Variants in CCL24 observed in about 807,000 individuals in gnomAD.
The protein encoded by CCL24 is C-C motif chemokine ligand 24.
A neutral mutation model predicts 8.6 loss-of-function variants in CCL24; 6 were observed. That is an observed-to-expected ratio of 0.70 (90% CI 0.38 to 1.38). CCL24 has a LOEUF of 1.38. Among genes scored for constraint, CCL24 ranks in the 40% most tolerant of loss-of-function variants. CCL24 has a pLI of 0.02. For missense variants in CCL24, 126 were observed against 147.1 expected, an observed-to-expected ratio of 0.86 and a Z score of 0.74; for synonymous variants, 59 against 52.7, an observed-to-expected ratio of 1.12 and a Z score of -0.52.
chr7:75,813,813 A>G, upstream of CCL24: 5 of 903,168 alleles, frequency 5.5e-6, no homozygotes, highest in South Asian at 5.4e-5. Context: ...GAGTACCCCA[A>G]ACTCCCTCCC....
At position 75,811,147 on chromosome 7, in the gene CCL24, T is replaced by TAA. The variant is rs56657658; in HGVS notation, c.*647_*648dup. On this transcript the variant is annotated 3_prime_UTR_variant, in exon 3 of 3. Transcript: ENST00000222902. ...CCCAGTCCTCCACGTTCATTTCCTT[T>TAA]AAAAAAAAAAAAATTATGATTTTTT... is the stretch of plus-strand genomic sequence containing the variant. Among the ~76,000 whole-genome samples, 12 of 146,116 alleles carry TAA rather than the reference T, an allele frequency of 8.2e-5. No homozygotes were observed. The highest frequency in any genetic ancestry group is 7.9e-4 in the East Asian group (4 of 5,050).
Position 75,820,086 on chromosome 7 carries a change from T to TTCC in CCL24, c.-60+3233_-60+3235dup, listed in dbSNP as rs71519389. Among the ~76,000 whole-genome samples, 295 of 133,612 alleles carry TTCC rather than the reference T, an allele frequency of 2.2e-3. 5 individuals carry two copies. Among genetic ancestry groups the TTCC allele is most frequent in the African/African-American group, 7.7e-3 (283 of 36,906 alleles). 87.7% of individuals were successfully genotyped at this position (133,612 alleles called of 152,430 possible). A position where few individuals can be genotyped will look rare whatever the true frequency, so the allele number is the denominator to read the frequency against. The stretch of plus-strand genomic sequence containing the variant: ...CTTCTTCTTCTTCTTCTTCTTCTTC[T>TTCC]TCCTCTTCTTCTTCTTCTTCCTTCT... On this transcript the variant is annotated intron_variant, in intron 1 of 3. Coordinates refer to the CCL24 transcript ENST00000416943.
chr7:75,816,551 TTTTATTTA>T (rs1554534163), upstream of CCL24, among the ~76,000 whole-genome samples: 2 of 148,264 alleles, frequency 1.3e-5, no homozygotes, highest in Admixed American at 6.9e-5. Context: ...TTCTTTAAAA[TTTTATTTA>T]TTTATTTATT....
intron 1 of CCL24, among the ~76,000 whole-genome samples, chr7:75,820,077 T>TTCTTCC (rs1804001554): frequency 7.2e-6 from 1 of 138,562 alleles, no homozygotes; most frequent in African/African-American, 2.6e-5. Flanking sequence ...CTTCTTCTTC[T>TTCTTCC]TCTTCTTCTT....
Position 75,813,785 on chromosome 7 carries a change from A to G in CCL24, c.-70T>C. Reference sequence around the variant, plus strand: ...GCAGGAGGAAAGGACCTAGGGATAAATAGCTCGGGTCCTTGCAGAGTACCC... The same window carrying G: ...GCAGGAGGAAAGGACCTAGGGATAAGTAGCTCGGGTCCTTGCAGAGTACCC... On this transcript the variant is annotated 5_prime_UTR_variant, in exon 1 of 3. Coordinates refer to ENST00000222902, the MANE Select transcript of CCL24 (RefSeq NM_002991.3). 1 of 1,270,266 alleles carries G rather than the reference A, an allele frequency of 7.9e-7. No individual in the cohort carries two copies. Among genetic ancestry groups the G allele is most frequent in the Non-Finnish European group, 1.2e-6 (1 of 869,002 alleles). 78.7% of individuals were successfully genotyped at this position (1,270,266 alleles called of 1,614,324 possible). A position where few individuals can be genotyped will look rare whatever the true frequency, so the allele number is the denominator to read the frequency against.
At chr7:75,819,862 C>T (rs1803987270) in intron 1 of CCL24, among the ~76,000 whole-genome samples, 1 of 151,846 alleles carries the variant, frequency 6.6e-6, no homozygotes, top group Non-Finnish European at 1.5e-5. Flanking sequence ...TAAAAACTGG[C>T]TGTATGAGCC....
chr7:75,819,704 G>C (rs1438157076), intron 1 of CCL24, among the ~76,000 whole-genome samples: 1 of 151,920 alleles, frequency 6.6e-6, no homozygotes, highest in Non-Finnish European at 1.5e-5. Context: ...GCCCTAATTA[G>C]GGTAAAAGTA....
chr7:75,819,285 AAAAAAAAAAAAAAAAAAAATATATAT>A (rs1178498621), intron 1 of CCL24, among the ~76,000 whole-genome samples: 10 of 24,144 alleles, frequency 4.1e-4, no homozygotes, highest in Non-Finnish European at 6.8e-4. Flanking sequence ...AAAAAAAAAA[AAAAAAAAAAAAAAAAAAAATATATAT>A]ATATATATAT....
intron 1 of CCL24, among the ~76,000 whole-genome samples, chr7:75,821,942 A>C (rs1468743079): frequency 2.0e-5 from 3 of 148,396 alleles, no homozygotes; most frequent in African/African-American, 7.4e-5. Context: ...AAAAAAAAAA[A>C]GAAAACAAAA....
At chr7:75,813,810 C>A, upstream of CCL24, 1 of 930,414 alleles carries the variant, frequency 1.1e-6, no homozygotes, top group Non-Finnish European at 1.7e-6. Flanking sequence ...GCAGAGTACC[C>A]CAAACTCCCT....
chr7:75,817,795 A>G (rs1554534362), upstream of CCL24, among the ~76,000 whole-genome samples: 2 of 151,242 alleles, frequency 1.3e-5, no homozygotes, highest in Admixed American at 1.3e-4. Flanking sequence ...GAGCCACCGC[A>G]CTGGGCCAAA....
At chr7:75,820,082 CTTCTTCCTCTTCT>C (rs1804003123) in intron 1 of CCL24, among the ~76,000 whole-genome samples, 1 of 139,818 alleles carries the variant, frequency 7.2e-6, no homozygotes, top group Non-Finnish European at 1.5e-5. Context: ...TCTTCTTCTT[CTTCTTCCTCTTCT>C]TCTTCTTCTT....
At chr7:75,816,663 G>A (rs955721097), upstream of CCL24, among the ~76,000 whole-genome samples, 1 of 151,712 alleles carries the variant, frequency 6.6e-6, no homozygotes, top group Non-Finnish European at 1.5e-5. Context: ...CGAGGTTCAA[G>A]CGATTCTCCC....
At chr7:75,820,121 T>TC (rs1554534871) in intron 1 of CCL24, among the ~76,000 whole-genome samples, 73 of 130,574 alleles carry the variant, frequency 5.6e-4, no homozygotes, top group South Asian at 8.4e-4. Flanking sequence ...TTCTTCTTCT[T>TC]CTTCTTCTTC....
At chr7:75,812,065 T>C in intron 2 of CCL24, 101 bp from the exon 3 acceptor site, 1 of 945,918 alleles carries the variant, frequency 1.1e-6, no homozygotes, top group African/African-American at 1.7e-5. Context: ...ACAGTAAGGC[T>C]TCCTTGCAAG....
chr7:75,810,955 T>TC lies in CCL24; in HGVS notation c.*840dup, dbSNP rs1334647815. On this transcript the variant is annotated 3_prime_UTR_variant, in exon 3 of 3. Coordinates refer to ENST00000222902, the MANE Select transcript of CCL24 (RefSeq NM_002991.3). ...AAGCTAGAGTCTTTTCTCCCCCTAA[T>TC]CCCCCCACCCTATCTTCCCCTCACC... 1.3e-5 allele frequency among the ~76,000 whole-genome samples: 2 copies of TC among 151,014 alleles called. No individual in the cohort carries two copies. Among genetic ancestry groups the TC allele is most frequent in the African/African-American group, 2.4e-5 (1 of 41,050 alleles).
At chr7:75,812,684 C>G (rs1422732880) in intron 2 of CCL24, among the ~76,000 whole-genome samples, 1 of 152,140 alleles carries the variant, frequency 6.6e-6, no homozygotes, top group Non-Finnish European at 1.5e-5. Flanking sequence ...AATCCCAGCA[C>G]TTTGGAAGGC....
rs782780854 is a variant in CCL24, at chr7:75,813,287, G to A, written c.191+19C>T. Reference sequence around the variant, plus strand: ...TGCCCCCACCCCTCTCCTGCCACGTGCCCATGAAGGATACCTACATCACTC... The same window carrying A: ...TGCCCCCACCCCTCTCCTGCCACGTACCCATGAAGGATACCTACATCACTC... On this transcript the variant is annotated intron_variant, in intron 2 of 2. Transcript: ENST00000222902. 1 of 1,464,006 alleles carries A rather than the reference G, an allele frequency of 6.8e-7. No individual in the cohort carries two copies. Among genetic ancestry groups the A allele is most frequent in the South Asian group, 1.1e-5 (1 of 87,982 alleles). The allele number at this position is 1,464,006 out of a possible 1,614,324, so 90.7% of individuals were successfully genotyped here.
chr7:75,811,907 C>T lies in CCL24; in HGVS notation c.249G>A (p.Gln83=), dbSNP rs2115773434. The change falls in exon 3 of 3, where the codon CAG becomes CAA. Residue 83 remains glutamine (Q), a synonymous_variant. Transcript: ENST00000222902. ...FCGDPKQEWV[Q]RYMKNLDAKQ... ...TGGCGTCCAGGTTCTTCATGTACCTCTGGACCCACTCCTGCTTGGGGTCGC... is the reference window on the plus strand; with the variant it reads ...TGGCGTCCAGGTTCTTCATGTACCTTTGGACCCACTCCTGCTTGGGGTCGC... The T allele has an allele frequency of 1.2e-6, 2 of 1,610,918 alleles. No individual in the cohort carries two copies. The highest frequency in any genetic ancestry group is 1.4e-5 in the African/African-American group (1 of 74,010).
Sources: allele counts gnomAD v4.1 joint callset (sites outside exome capture counted in the v4.1 genomes callset), GRCh38; gene constraint gnomAD v4.1.1; transcripts MANE v1.5; gene names NCBI Gene and HGNC (gene_info 2026-07-23, HGNC 2026-07-21).